Variants in PTGFRN observed in about 807,000 individuals in gnomAD.
The protein encoded by PTGFRN is prostaglandin F2 receptor inhibitor.
PTGFRN carries 35 observed loss-of-function variants against 83.2 expected under a neutral mutation model. That is an observed-to-expected ratio of 0.42 (90% CI 0.32 to 0.56). PTGFRN has a LOEUF of 0.56. Among genes scored for constraint, PTGFRN ranks in the 20% least tolerant of loss-of-function variants. The pLI is 0.11. For synonymous variants in PTGFRN, 519 were observed against 498.6 expected (o/e 1.04, Z -0.55); for missense variants, 1,051 against 1,179.5 (o/e 0.89, Z 1.60).
In PTGFRN at chr1:116,986,951, C is replaced by G. The variant is rs1213026588; in HGVS notation, c.2624C>G (p.Ser875Trp). The G allele has an allele frequency of 6.2e-7, 1 of 1,614,188 alleles. No homozygotes were observed. The highest frequency in any genetic ancestry group is 8.5e-7 in the Non-Finnish European group (1 of 1,180,038). ...ETRRERRRLM[S>W]MEMD ...CGGCGCGAGCGCCGCAGGCTCATGT[C>G]GATGGAGATGGACTAGGCTGGCCCG... is the stretch of plus-strand genomic sequence containing the variant. Residue 875 changes from serine to tryptophan, a missense_variant, in exon 9 of 9, where the codon TCG (serine) becomes TGG (tryptophan). By Grantham distance (177) the Ser-to-Trp change is radical. Transcript: ENST00000393203.
chr1:116,975,901 G>A (rs896587462), intron 7 of PTGFRN, among the ~76,000 whole-genome samples: 4 of 152,202 alleles, frequency 2.6e-5, no homozygotes, highest in Non-Finnish European at 5.9e-5. Flanking sequence ...GAGAGAAGAA[G>A]GCTTCAGATG....
chr1:116,965,499 G>T (rs1650798372), intron 5 of PTGFRN, among the ~76,000 whole-genome samples: 1 of 152,002 alleles, frequency 6.6e-6, no homozygotes, highest in Non-Finnish European at 1.5e-5. Flanking sequence ...TGTCCAGGTT[G>T]ATCCCAAACT....
At chr1:116,915,116 C>G (rs577781058) in intron 1 of PTGFRN, among the ~76,000 whole-genome samples, 2 of 152,370 alleles carry the variant, frequency 1.3e-5, no homozygotes, top group African/African-American at 4.8e-5. Flanking sequence ...CATTCTGTCT[C>G]TGCTAAGGAA....
intron 4 of PTGFRN, among the ~76,000 whole-genome samples, chr1:116,955,702 T>C (rs935017102): frequency 6.6e-6 from 1 of 152,190 alleles, no homozygotes; most frequent in South Asian, 2.1e-4. Flanking sequence ...ATGCAAAATA[T>C]TAAATTTAGT....
chr1:116,924,722 G>C (rs1229153838), intron 1 of PTGFRN, among the ~76,000 whole-genome samples: 1 of 152,208 alleles, frequency 6.6e-6, no homozygotes, highest in Non-Finnish European at 1.5e-5. Context: ...ATTCACTGAT[G>C]AAGGGCTGTT....
chr1:116,988,288 C>T lies in PTGFRN; in HGVS notation c.*1321C>T, dbSNP rs957882935. 6.6e-6 allele frequency: 1 copy of T among 152,350 alleles called. No homozygotes were observed. The highest frequency in any genetic ancestry group is 1.9e-4 in the East Asian group (1 of 5,196). The allele number at this position is 152,350 out of a possible 1,614,324, so 9.4% of individuals were successfully genotyped here. ...ATGTGAATGGCCTGTAGAGCAGAGTCAAGAGCGGTGTGCTTTGCCCGACTG... is the reference window on the plus strand; with the variant it reads ...ATGTGAATGGCCTGTAGAGCAGAGTTAAGAGCGGTGTGCTTTGCCCGACTG... On this transcript the variant is annotated 3_prime_UTR_variant, in exon 9 of 9. Coordinates refer to ENST00000393203, the MANE Select transcript of PTGFRN (RefSeq NM_020440.4).
intron 1 of PTGFRN, among the ~76,000 whole-genome samples, chr1:116,914,992 G>T (rs1276242378): frequency 6.6e-6 from 1 of 152,170 alleles, no homozygotes; most frequent in Non-Finnish European, 1.5e-5. Context: ...CTTTGAGAAA[G>T]TCACTATTTT....
chr1:116,925,495 T>C (rs915350828), intron 1 of PTGFRN, among the ~76,000 whole-genome samples: 11 of 151,988 alleles, frequency 7.2e-5, no homozygotes, highest in Non-Finnish European at 1.2e-4. Flanking sequence ...TGAGGAAGAC[T>C]TTTTGCAGCT....
chr1:116,984,264 G>T (rs1651399695), intron 7 of PTGFRN, among the ~76,000 whole-genome samples: 1 of 152,038 alleles, frequency 6.6e-6, no homozygotes, highest in Admixed American at 6.6e-5. Flanking sequence ...TGTCAAAGGA[G>T]CTGGCTTTCT....
At position 116,984,824 on chromosome 1, in the gene PTGFRN, T is replaced by C. The variant is rs1193150311; in HGVS notation, c.2312T>C (p.Val771Ala). The C allele has an allele frequency of 6.2e-7, 1 of 1,613,912 alleles. No individual in the cohort carries two copies. Among genetic ancestry groups the C allele is most frequent in the Non-Finnish European group, 8.5e-7 (1 of 1,180,028 alleles). The change falls in exon 8 of 9, where the codon GTG (valine) becomes GCG (alanine). Residue 771 changes from valine (V) to alanine (A), a missense_variant. Val to Ala is a moderately conservative substitution (Grantham distance 64). This residue lies in a region of PTGFRN where 719 missense variants were observed against 836.6 expected (regional missense o/e 0.86). Coordinates refer to ENST00000393203, the MANE Select transcript of PTGFRN (RefSeq NM_020440.4). Reference protein sequence around the residue: ...DWKSDLSLERVSVLEFLLQVH... With the variant: ...DWKSDLSLERASVLEFLLQVH... ...AAGAGCGACCTCAGCCTGGAGCGCGTGAGTGTGCTGGAATTCTTGCTGCAA... is the reference window on the plus strand; with the variant it reads ...AAGAGCGACCTCAGCCTGGAGCGCGCGAGTGTGCTGGAATTCTTGCTGCAA...
At position 116,957,104 on chromosome 1, in the gene PTGFRN, ACTCTCT is replaced by A. The variant is rs35590261; in HGVS notation, c.1214-4122_1214-4117del. ...TGGCTGTGTTTGGAACAAGGTTTTA[ACTCTCT>A]CTCTCTCTCTCTCTCTTTCTCTCTC... On this transcript the variant is annotated intron_variant, in intron 4 of 8. Coordinates refer to ENST00000393203, the MANE Select transcript of PTGFRN (RefSeq NM_020440.4). 2.0e-3 allele frequency among the ~76,000 whole-genome samples: 283 copies of A among 139,764 alleles called. 2 individuals carry two copies. Among genetic ancestry groups the A allele is most frequent in the Middle Eastern group, 7.5e-3 (2 of 268 alleles). 91.7% of individuals were successfully genotyped at this position (139,764 alleles called of 152,430 possible). A position where few individuals can be genotyped will look rare whatever the true frequency, so the allele number is the denominator to read the frequency against.
At chr1:116,985,626 T>G (rs1418106178) in intron 8 of PTGFRN, among the ~76,000 whole-genome samples, 1 of 151,194 alleles carries the variant, frequency 6.6e-6, no homozygotes. Context: ...GAGAATTGCT[T>G]GAACCCAGGA....
At chr1:116,939,174 C>A (rs1650000728) in intron 1 of PTGFRN, among the ~76,000 whole-genome samples, 2 of 152,212 alleles carry the variant, frequency 1.3e-5, no homozygotes, top group South Asian at 4.1e-4. Flanking sequence ...AGGATGGTGG[C>A]CTTCTTCTCA....
At chr1:116,913,539 T>C (rs1649325364) in intron 1 of PTGFRN, among the ~76,000 whole-genome samples, 1 of 152,128 alleles carries the variant, frequency 6.6e-6, no homozygotes, top group African/African-American at 2.4e-5. Context: ...GGTAGATTTG[T>C]TGGTGCTCTG....
chr1:116,914,269 T>A (rs1649344385), intron 1 of PTGFRN, among the ~76,000 whole-genome samples: 1 of 152,188 alleles, frequency 6.6e-6, no homozygotes, highest in African/African-American at 2.4e-5. Context: ...GGAGTCTTTG[T>A]GGGTCAGACT....
chr1:116,961,221 G>T lies in PTGFRN; in HGVS notation c.1214-22G>T, dbSNP rs1650651647. 6.7e-7 allele frequency: 1 copy of T among 1,499,066 alleles called. No individual in the cohort carries two copies. The highest frequency in any genetic ancestry group is 8.9e-7 in the Non-Finnish European group (1 of 1,124,860). 92.9% of individuals were successfully genotyped at this position (1,499,066 alleles called of 1,614,324 possible). A position where few individuals can be genotyped will look rare whatever the true frequency, so the allele number is the denominator to read the frequency against. Reference sequence around the variant, plus strand: ...GTTACTCTAATTATTTTCCTATCCTGGCCTTTCTGTCTCTCGTTCAGAACC... The same window carrying T: ...GTTACTCTAATTATTTTCCTATCCTTGCCTTTCTGTCTCTCGTTCAGAACC... On this transcript the variant is annotated intron_variant, in intron 4 of 8. Coordinates refer to ENST00000393203, the MANE Select transcript of PTGFRN (RefSeq NM_020440.4). The surrounding 1 kb of genome is among the most constrained non-coding windows in gnomAD (Gnocchi z 5.4).
chr1:116,951,579 T>C (rs1650348050), intron 4 of PTGFRN, among the ~76,000 whole-genome samples: 2 of 152,256 alleles, frequency 1.3e-5, no homozygotes, highest in African/African-American at 4.8e-5. Context: ...AAAGCAGTAA[T>C]GTTCAACTCC....
In PTGFRN at chr1:116,967,046, C is replaced by T; in HGVS notation, c.1775C>T (p.Pro592Leu). 6.2e-7 allele frequency: 1 copy of T among 1,614,192 alleles called. No homozygotes were observed. Among genetic ancestry groups the T allele is most frequent in the South Asian group, 1.1e-5 (1 of 91,084 alleles). The change falls in exon 6 of 9, where the codon CCT becomes CTT. Residue 592 changes from proline to leucine, a missense_variant. Transcript: ENST00000393203. ...RYSVLIMAEK[P>L]VGDLSSPNET... ...TCTGTTCTCATCATGGCTGAGAAGC[C>T]TGTCGGCGACCTCTCCAGTCCCAAT...
chr1:116,986,146 C>T (rs1237212297), intron 8 of PTGFRN, among the ~76,000 whole-genome samples: 1 of 151,682 alleles, frequency 6.6e-6, no homozygotes, highest in Non-Finnish European at 1.5e-5. Flanking sequence ...CCTTAGCAAA[C>T]GTAAAGCACC....
Sources: allele counts gnomAD v4.1 joint callset (sites outside exome capture counted in the v4.1 genomes callset), GRCh38; gene constraint gnomAD v4.1.1; regional missense constraint gnomAD v4.1.1; non-coding constraint Gnocchi (gnomAD v3.1); transcripts MANE v1.5; gene names NCBI Gene and HGNC (gene_info 2026-07-23, HGNC 2026-07-21).